Variants in ZMYND11 observed in about 807,000 individuals in gnomAD.
The protein encoded by ZMYND11 is zinc finger MYND-type containing 11.
ZMYND11 carries 9 observed loss-of-function variants against 84.9 expected under a neutral mutation model. The ratio of observed to expected loss-of-function variants is 0.11; its 90% CI spans 0.06 to 0.18. The LOEUF is 0.18. Among genes scored for constraint, ZMYND11 ranks in the 10% least tolerant of loss-of-function variants. The pLI, the probability that ZMYND11 is intolerant of heterozygous loss-of-function variation, is 1.00. For synonymous variants in ZMYND11, 250 were observed against 244.1 expected (o/e 1.02, Z -0.23); for missense variants, 409 against 761.0 (o/e 0.54, Z 5.44).
At chr10:193,357 T>C (rs1940934530) in intron 2 of ZMYND11, among the ~76,000 whole-genome samples, 1 of 152,222 alleles carries the variant, frequency 6.6e-6, no homozygotes, top group African/African-American at 2.4e-5. Context: ...TATAGTTAAA[T>C]TATTTATTAG....
chr10:158,994 T>G (rs1246561055), intron 1 of ZMYND11, among the ~76,000 whole-genome samples: 10 of 145,692 alleles, frequency 6.9e-5, no homozygotes, highest in African/African-American at 2.3e-4. Context: ...GTTTTTTGTT[T>G]TTTTTTTTTT....
At chr10:165,398 A>C (rs1843763155) in intron 1 of ZMYND11, among the ~76,000 whole-genome samples, 1 of 152,086 alleles carries the variant, frequency 6.6e-6, no homozygotes, top group African/African-American at 2.4e-5. Flanking sequence ...TTATGGTTTC[A>C]GTTACCATGC....
chr10:142,830 A>C (rs577274686), intron 1 of ZMYND11, among the ~76,000 whole-genome samples: 1 of 152,210 alleles, frequency 6.6e-6, no homozygotes, highest in South Asian at 2.1e-4. Context: ...GTTAATGCCA[A>C]CTCACCGGTA....
At chr10:242,570 C>T (rs1021068499) in intron 10 of ZMYND11, among the ~76,000 whole-genome samples, 5 of 151,978 alleles carry the variant, frequency 3.3e-5, no homozygotes, top group African/African-American at 9.7e-5. Context: ...CTGAAGCGTG[C>T]GTGGAAATAA....
chr10:156,690 T>C (rs1841798624), intron 1 of ZMYND11, among the ~76,000 whole-genome samples: 1 of 152,198 alleles, frequency 6.6e-6, no homozygotes, highest in Non-Finnish European at 1.5e-5. Flanking sequence ...ACCATAAATT[T>C]GGAAGTAAAC....
rs1200868590 is a variant in ZMYND11, at chr10:252,657, G to A, written c.*187G>A. 1.0e-5 allele frequency: 6 copies of A among 599,932 alleles called. No individual in the cohort carries two copies. The highest frequency in any genetic ancestry group is 1.6e-5 in the Non-Finnish European group (6 of 377,682). The allele number at this position is 599,932 out of a possible 1,614,324, so 37.2% of individuals were successfully genotyped here. On this transcript the variant is annotated 3_prime_UTR_variant, in exon 15 of 15. Coordinates refer to ENST00000381604, the MANE Select transcript of ZMYND11 (RefSeq NM_001370100.5). This position sits in a 1 kb window ranked among gnomAD's most constrained non-coding sequence, Gnocchi z 4.6. ...ATGCTCCTCCGAAGTTTTTCAGGGG[G>A]TAAAAGTAACATCAGTGGAGGGTAT...
intron 4 of ZMYND11, among the ~76,000 whole-genome samples, chr10:223,957 T>C (rs1420194882): frequency 6.6e-6 from 1 of 152,112 alleles, no homozygotes; most frequent in Non-Finnish European, 1.5e-5. Context: ...TGTTTTTTTT[T>C]CAATGTTTGG....
chr10:152,502 G>A (rs1840633522), intron 1 of ZMYND11, among the ~76,000 whole-genome samples: 1 of 152,154 alleles, frequency 6.6e-6, no homozygotes, highest in African/African-American at 2.4e-5. Context: ...AATTCAACAA[G>A]AAGAGCTAAC....
At chr10:235,097 G>A (rs1380291919) in intron 4 of ZMYND11, among the ~76,000 whole-genome samples, 3 of 151,920 alleles carry the variant, frequency 2.0e-5, no homozygotes, top group African/African-American at 4.8e-5. Context: ...GCCATTGCAC[G>A]TATTTCAAAA....
intron 1 of ZMYND11, among the ~76,000 whole-genome samples, chr10:152,679 C>T (rs1554757452): frequency 6.6e-6 from 1 of 152,128 alleles, no homozygotes; most frequent in African/African-American, 2.4e-5. Context: ...CAAGGATATC[C>T]AGGAATTGAA....
chr10:235,189 C>T (rs2131644296), intron 4 of ZMYND11, among the ~76,000 whole-genome samples: 1 of 152,064 alleles, frequency 6.6e-6, no homozygotes, highest in African/African-American at 2.4e-5. Flanking sequence ...GAGTGGCTAA[C>T]CAATGCTGCT....
In ZMYND11 at chr10:168,878, C is replaced by T. The variant is rs146573122; in HGVS notation, c.-19-11116C>T. Among the ~76,000 whole-genome samples, 246 of 152,106 alleles carry T rather than the reference C, an allele frequency of 1.6e-3. 2 individuals carry two copies. Among genetic ancestry groups the T allele is most frequent in the Middle Eastern group, 0.014 (4 of 294 alleles). ...CTGTAATTGATGAATCGCTAGATGC[C>T]CAGTATGGACAACTCTGAGAGTTAG... On this transcript the variant is annotated intron_variant, in intron 1 of 14. Coordinates refer to ENST00000381604, the MANE Select transcript of ZMYND11 (RefSeq NM_001370100.5).
intron 10 of ZMYND11, 59 bp downstream of exon 10, chr10:242,198 T>C: frequency 6.3e-7 from 1 of 1,578,380 alleles, no homozygotes; most frequent in Non-Finnish European, 8.6e-7. Context: ...CTTAAGAAAG[T>C]TTGATGATTT....
intron 10 of ZMYND11, among the ~76,000 whole-genome samples, chr10:244,189 T>G (rs899547479): frequency 6.6e-6 from 1 of 152,214 alleles, no homozygotes; most frequent in Non-Finnish European, 1.5e-5. Context: ...TTTAAAAAAT[T>G]TGATACAATT....
intron 2 of ZMYND11, among the ~76,000 whole-genome samples, chr10:199,638 T>C (rs1374845398): frequency 2.0e-5 from 3 of 151,966 alleles, no homozygotes; most frequent in African/African-American, 4.8e-5. Context: ...CTTACTATGC[T>C]GCCCAGCTGG....
chr10:189,389 A>G (rs577796617), intron 2 of ZMYND11, among the ~76,000 whole-genome samples: 1 of 152,380 alleles, frequency 6.6e-6, no homozygotes, highest in South Asian at 2.1e-4. Flanking sequence ...GAGGAAGAGA[A>G]TAGCCATTGC....
At chr10:203,207 A>G (rs1053247319) in intron 2 of ZMYND11, among the ~76,000 whole-genome samples, 6 of 152,210 alleles carry the variant, frequency 3.9e-5, no homozygotes, top group African/African-American at 9.6e-5. Flanking sequence ...GCACTTTACT[A>G]GAAGTCCTAA....
chr10:221,480 C>G, intron 4 of ZMYND11, 124 bp downstream of exon 4: 1 of 898,928 alleles, frequency 1.1e-6, no homozygotes. Context: ...TGGGGGTTAT[C>G]TAATGAAATG....
chr10:241,057 TAAATTTTTA>T, intron 9 of ZMYND11, 87 bp downstream of exon 9: 1 of 1,058,498 alleles, frequency 9.4e-7, no homozygotes, highest in South Asian at 1.5e-5. Flanking sequence ...ATTTTCTTCC[TAAATTTTTA>T]AAATATCATA....
Sources: gnomAD v4.1 joint callset for allele counts (sites outside exome capture counted in the v4.1 genomes callset) on GRCh38, gnomAD v4.1.1 for gene constraint, Gnocchi (gnomAD v3.1) non-coding constraint, MANE v1.5 for transcripts, NCBI Gene and HGNC (gene_info 2026-07-23, HGNC 2026-07-21) for gene names.